The following FMN1 variants were observed in gnomAD, a reference collection of about 807,000 sequenced individuals.
FMN1 encodes the protein formin-1.
Under a neutral mutation model 132.4 loss-of-function variants are expected in FMN1, and 110 were observed. That is an observed-to-expected ratio of 0.83 (90% CI 0.71 to 0.97). The LOEUF (loss-of-function observed/expected upper bound fraction) is 0.97, where lower values mean the gene tolerates loss of function less well. Ranked by LOEUF, FMN1 falls within the 50% of genes least tolerant of loss-of-function variation. FMN1 has a pLI of 0.00. For synonymous variants in FMN1, 722 were observed against 651.7 expected (o/e 1.11, Z -1.64); for missense variants, 1,792 against 1,705.3 (o/e 1.05, Z -0.90).
At chr15:33,004,595 G>A (rs2034307647) in intron 7 of FMN1, among the ~76,000 whole-genome samples, 1 of 152,196 alleles carries the variant, frequency 6.6e-6, no homozygotes, top group African/African-American at 2.4e-5. Context: ...TGGTGGGACT[G>A]TAAACCAGTT....
Position 32,776,908 on chromosome 15 carries a change from G to A in FMN1, c.4142C>T (p.Ala1381Val). The change falls in exon 20 of 21, where the codon GCT becomes GTT. Residue 1381 changes from alanine (A) to valine (V), a missense_variant. Transcript: ENST00000616417. ...KNISKERLKM[A>V]QESVSKLTSE... Reference sequence around the variant, plus strand: ...AGTCAACTTGCTGACTGATTCCTGAGCCATTTTCAATCTGAAATAGAAATA... The same window carrying A: ...AGTCAACTTGCTGACTGATTCCTGAACCATTTTCAATCTGAAATAGAAATA... 2 of 1,585,824 alleles carry A rather than the reference G, an allele frequency of 1.3e-6. No homozygotes were observed. Among genetic ancestry groups the A allele is most frequent in the Non-Finnish European group, 1.7e-6 (2 of 1,162,266 alleles).
intron 19 of FMN1, among the ~76,000 whole-genome samples, chr15:32,789,173 T>C (rs1276837376): frequency 1.3e-5 from 2 of 152,192 alleles, no homozygotes; most frequent in Non-Finnish European, 2.9e-5. Context: ...AACAAAGTGG[T>C]ACAAGACATT....
At chr15:33,005,134 A>G (rs930268805) in intron 7 of FMN1, among the ~76,000 whole-genome samples, 2 of 152,160 alleles carry the variant, frequency 1.3e-5, no homozygotes, top group African/African-American at 4.8e-5. Context: ...GCACATGTAT[A>G]CATATGTAAC....
chr15:33,128,824 A>C (rs538601867), intron 4 of FMN1, among the ~76,000 whole-genome samples: 1 of 152,214 alleles, frequency 6.6e-6, no homozygotes, highest in Non-Finnish European at 1.5e-5. Flanking sequence ...AAAATAACAA[A>C]GCCTCCGCAA....
intron 4 of FMN1, among the ~76,000 whole-genome samples, chr15:33,127,735 G>A (rs746298761): frequency 6.6e-6 from 1 of 152,180 alleles, no homozygotes; most frequent in African/African-American, 2.4e-5. Flanking sequence ...AGGTTATATT[G>A]TAATGATAGG....
intron 16 of FMN1, among the ~76,000 whole-genome samples, chr15:32,871,179 AT>A (rs1195085374): frequency 6.6e-6 from 1 of 152,218 alleles, no homozygotes; most frequent in African/African-American, 2.4e-5. Flanking sequence ...GGAAGGTAAC[AT>A]ATACACACAA....
At chr15:32,940,885 A>AAC (rs1191708585) in intron 9 of FMN1, among the ~76,000 whole-genome samples, 1 of 152,112 alleles carries the variant, frequency 6.6e-6, no homozygotes, top group Non-Finnish European at 1.5e-5. Context: ...GCTTTCACAA[A>AAC]ACCATGAGGT....
intron 9 of FMN1, among the ~76,000 whole-genome samples, chr15:32,938,567 T>A (rs2061332116): frequency 6.6e-6 from 1 of 152,190 alleles, no homozygotes; most frequent in South Asian, 2.1e-4. Context: ...TTAAGAATGC[T>A]ACAACGAACA....
intron 16 of FMN1, among the ~76,000 whole-genome samples, chr15:32,880,878 A>G (rs1165866823): frequency 1.3e-5 from 2 of 152,150 alleles, no homozygotes; most frequent in Non-Finnish European, 1.5e-5. Flanking sequence ...AAGTATTCTG[A>G]AATGTTCTAG....
intron 20 of FMN1, among the ~76,000 whole-genome samples, chr15:32,775,357 G>A (rs1334351228): frequency 6.6e-6 from 1 of 152,036 alleles, no homozygotes; most frequent in Non-Finnish European, 1.5e-5. Flanking sequence ...ACAAGCCCAG[G>A]ATCACAACTG....
At chr15:33,137,889 C>A (rs1456877568) in intron 4 of FMN1, among the ~76,000 whole-genome samples, 1 of 152,172 alleles carries the variant, frequency 6.6e-6, no homozygotes, top group Admixed American at 6.5e-5. Context: ...CTGCAGTCGG[C>A]CAGACCTGGT....
intron 4 of FMN1, among the ~76,000 whole-genome samples, chr15:33,096,145 C>CA (rs1450071992): frequency 6.6e-6 from 1 of 152,118 alleles, no homozygotes; most frequent in Non-Finnish European, 1.5e-5. Flanking sequence ...TTCCTATCAT[C>CA]AAAAGGAAGA....
intron 9 of FMN1, among the ~76,000 whole-genome samples, chr15:32,956,726 C>G (rs918051450): frequency 1.6e-4 from 25 of 152,110 alleles, no homozygotes; most frequent in African/African-American, 5.6e-4. Context: ...TATCACCACC[C>G]TCATATAAAA....
chr15:33,105,309 A>C (rs537084791), intron 4 of FMN1, among the ~76,000 whole-genome samples: 52 of 152,186 alleles, frequency 3.4e-4, no homozygotes, highest in Non-Finnish European at 6.5e-4. Flanking sequence ...GTCAAGAAAA[A>C]AATAAAACGG....
At chr15:33,047,000 T>C (rs989496644) in intron 6 of FMN1, among the ~76,000 whole-genome samples, 4 of 152,186 alleles carry the variant, frequency 2.6e-5, no homozygotes, top group African/African-American at 7.2e-5. Context: ...TTGCTGCAGT[T>C]CCCTGAAACA....
intron 9 of FMN1, among the ~76,000 whole-genome samples, chr15:32,928,400 C>T (rs371602804): frequency 6.6e-6 from 1 of 151,842 alleles, no homozygotes; most frequent in Non-Finnish European, 1.5e-5. Context: ...TTAGAGAACC[C>T]AAATTTAAAG....
chr15:32,908,340 C>T, intron 12 of FMN1, 150 bp downstream of exon 12: 2 of 587,482 alleles, frequency 3.4e-6, no homozygotes, highest in Admixed American at 5.8e-5. Flanking sequence ...GCAGCAGGGT[C>T]ATCCTGCTGC....
intron 6 of FMN1, among the ~76,000 whole-genome samples, chr15:33,019,591 G>C (rs1156368244): frequency 6.6e-6 from 1 of 152,192 alleles, no homozygotes; most frequent in Non-Finnish European, 1.5e-5. Flanking sequence ...CGAAACTCAG[G>C]CATGGCGAGC....
intron 7 of FMN1, among the ~76,000 whole-genome samples, chr15:32,979,383 G>A (rs1326852263): frequency 1.3e-5 from 2 of 151,780 alleles, no homozygotes; most frequent in African/African-American, 2.4e-5. Context: ...GTGAAACCCC[G>A]TCTCTACTAA....
Sources: allele counts gnomAD v4.1 joint callset (sites outside exome capture counted in the v4.1 genomes callset), GRCh38; gene constraint gnomAD v4.1.1; transcripts MANE v1.5; gene names NCBI Gene and HGNC (gene_info 2026-07-23, HGNC 2026-07-21).